TFB1M: variants seen among roughly 807,000 people sequenced by gnomAD.
TFB1M encodes dimethyladenosine transferase 1, mitochondrial.
In TFB1M, 27 loss-of-function variants were observed where a neutral mutation model predicts 31.1. That is an observed-to-expected ratio of 0.87 (90% CI 0.64 to 1.20). The LOEUF (loss-of-function observed/expected upper bound fraction) is 1.20, where lower values mean the gene tolerates loss of function less well. Among genes scored for constraint, TFB1M ranks in the 50% most tolerant of loss-of-function variants. TFB1M has a pLI of 0.00. For missense variants in TFB1M, 394 were observed against 418.7 expected (o/e 0.94, Z 0.51); for synonymous variants, 166 against 151.8 (o/e 1.09, Z -0.69).
At chr6:155,245,865 G>C in the TFB1M span, 1 of 526,166 alleles carries the variant, frequency 1.9e-6, no homozygotes, top group Admixed American at 3.8e-5. Context: ...GACCTTGACA[G>C]TGGCAAATAT....
chr6:155,245,755 G>GTTTTTTTTT, the TFB1M span: 217 of 1,023,120 alleles, frequency 2.1e-4, no homozygotes, highest in South Asian at 6.8e-4. Context: ...GCCTTTTATA[G>GTTTTTTTTT]TTTTTTTTTT....
chr6:155,241,825 C>G, the TFB1M span, among the ~76,000 whole-genome samples: 1 of 152,190 alleles, frequency 6.6e-6, no homozygotes, highest in Non-Finnish European at 1.5e-5. Context: ...ATAATCCCAT[C>G]TCCACAGTCA....
the TFB1M span, among the ~76,000 whole-genome samples, chr6:155,232,103 A>AC: frequency 0.27 from 40,825 of 151,896 alleles, 6,140 homozygotes; most frequent in East Asian, 0.53. Flanking sequence ...AAAAACAAAA[A>AC]AAAACAAAAA....
At chr6:155,245,340 C>T in the TFB1M span, among the ~76,000 whole-genome samples, 1,114 of 152,298 alleles carry the variant, frequency 7.3e-3, 12 homozygotes, top group African/African-American at 0.025. Flanking sequence ...TTGTTTATAT[C>T]CCACCTTGTC....
At chr6:155,245,511 C>A in the TFB1M span, 2 of 885,460 alleles carry the variant, frequency 2.3e-6, no homozygotes, top group Non-Finnish European at 3.6e-6. Flanking sequence ...TGAACTTCTC[C>A]AAGGCATTAG....
chr6:155,282,138 ACT>A (rs1776392853), intron 5 of TFB1M, among the ~76,000 whole-genome samples: 1 of 152,232 alleles, frequency 6.6e-6, no homozygotes, highest in African/African-American at 2.4e-5. Flanking sequence ...CATACTACAG[ACT>A]CTAATAGTTT....
rs201873912 is a variant in TFB1M at position 155,256,970 on chromosome 6, C to T, written c.*866G>A. 3.9e-4 allele frequency: 633 copies of T among 1,614,126 alleles called. 2 individuals carry two copies. Among genetic ancestry groups the T allele is most frequent in the Non-Finnish European group, 5.0e-4 (588 of 1,180,018 alleles). On this transcript the variant is annotated 3_prime_UTR_variant, in exon 7 of 7. Transcript: ENST00000367166. ...AGGGACAGAGGAACTTTGCTCAAGG[C>T]GCAGATCCGTCACCAGTCCCTTGAC...
the TFB1M span, among the ~76,000 whole-genome samples, chr6:155,243,774 G>C: frequency 7.3e-6 from 1 of 137,386 alleles, no homozygotes; most frequent in Admixed American, 8.3e-5. Context: ...TTGAACCCAG[G>C]AGGCAGAGGT....
intron 3 of TFB1M, among the ~76,000 whole-genome samples, 185 bp downstream of exon 3, chr6:155,298,292 G>GT (rs754134116): frequency 7.9e-5 from 12 of 152,052 alleles, no homozygotes; most frequent in Non-Finnish European, 1.6e-4. Context: ...ACTAAAAAAA[G>GT]TAACTAGATT....
chr6:155,245,463 T>C, the TFB1M span, among the ~76,000 whole-genome samples: 9 of 152,244 alleles, frequency 5.9e-5, no homozygotes, highest in African/African-American at 1.9e-4. Context: ...GGGGAGCGCC[T>C]GGGCTGTTCC....
At chr6:155,255,787 C>T (rs1436986666), downstream of TFB1M, 25 of 152,324 alleles carry the variant, frequency 1.6e-4, no homozygotes, top group Admixed American at 1.6e-3. Context: ...ATCCCTTGAG[C>T]TCTTGAGAAC....
chr6:155,254,419 T>G, downstream of TFB1M: 2 of 1,610,294 alleles, frequency 1.2e-6, no homozygotes, highest in Non-Finnish European at 1.7e-6. Flanking sequence ...CCCCACCCAG[T>G]GACAGTGAAA....
intron 3 of TFB1M, among the ~76,000 whole-genome samples, chr6:155,297,639 A>G (rs1259271000): frequency 5.9e-5 from 9 of 152,224 alleles, no homozygotes; most frequent in African/African-American, 2.2e-4. Context: ...GAATAGTTAG[A>G]AAAAGTTCAC....
At chr6:155,248,295 A>G in the TFB1M span, 1 of 1,210,994 alleles carries the variant, frequency 8.3e-7, no homozygotes, top group Non-Finnish European at 1.1e-6. Flanking sequence ...GTCCTAAGTC[A>G]CTTTTCAGTT....
intron 4 of TFB1M, among the ~76,000 whole-genome samples, chr6:155,292,660 C>T (rs559898584): frequency 6.6e-6 from 1 of 152,046 alleles, no homozygotes; most frequent in Non-Finnish European, 1.5e-5. Flanking sequence ...CCCTCATCAG[C>T]ATTAAAAAAA....
chr6:155,254,080 A>G, downstream of TFB1M: 1 of 1,604,352 alleles, frequency 6.2e-7, no homozygotes, highest in Non-Finnish European at 8.5e-7. Flanking sequence ...ACTTCCAAAG[A>G]TTAAAACCAA....
At position 155,311,195 on chromosome 6, in the gene TFB1M, C is replaced by T. The variant is rs554510555; in HGVS notation, c.278G>A (p.Gly93Glu). ...ACACTTTAAGCATCTCACCTGTAAT[C>T]CAGGAATAAATCGAGTGTCCTTTTC... is the stretch of plus-strand genomic sequence containing the variant. ...VVEKDTRFIP[G>E]LQMLSDAAPG... Residue 93 changes from glycine to glutamate, a missense_variant, in exon 2 of 7, where the codon GGA (glycine) becomes GAA (glutamate). By Grantham distance (98) the Gly-to-Glu change is moderately conservative. Transcript: ENST00000367166. 9.3e-6 allele frequency: 15 copies of T among 1,614,014 alleles called. No individual in the cohort carries two copies. The highest frequency in any genetic ancestry group is 1.2e-5 in the Non-Finnish European group (14 of 1,179,936).
chr6:155,240,399 C>A, the TFB1M span: 1 of 894,542 alleles, frequency 1.1e-6, no homozygotes, highest in Non-Finnish European at 1.6e-6. Context: ...TGAATGAAAC[C>A]CTTTGCCCTA....
At chr6:155,283,880 G>A (rs572913322) in intron 5 of TFB1M, among the ~76,000 whole-genome samples, 11 of 152,284 alleles carry the variant, frequency 7.2e-5, no homozygotes, top group Non-Finnish European at 1.3e-4. Flanking sequence ...ATGGCCACCT[G>A]TACTAGGAGA....
Sources: allele counts gnomAD v4.1 joint callset (sites outside exome capture counted in the v4.1 genomes callset), GRCh38; gene constraint gnomAD v4.1.1; transcripts MANE v1.5; gene names NCBI Gene and HGNC (gene_info 2026-07-23, HGNC 2026-07-21).